GOLGA7B: variants seen among roughly 807,000 people sequenced by gnomAD.
The protein encoded by GOLGA7B is golgin subfamily A member 7B.
Under a neutral mutation model 21.5 loss-of-function variants are expected in GOLGA7B, and 17 were observed. The ratio of observed to expected loss-of-function variants is 0.79; its 90% CI spans 0.54 to 1.19. The LOEUF (loss-of-function observed/expected upper bound fraction) is 1.19, where lower values mean the gene tolerates loss of function less well. Ranked by LOEUF, GOLGA7B falls within the 50% of genes most tolerant of loss-of-function variation. The probability of loss-of-function intolerance (pLI) is 0.00; values close to 1 mark genes in which losing one functional copy is unlikely to be tolerated. For synonymous variants in GOLGA7B, 87 were observed against 84.0 expected, an observed-to-expected ratio of 1.04 and a Z score of -0.19; for missense variants, 169 against 224.4, an observed-to-expected ratio of 0.75 and a Z score of 1.58.
chr10:97,860,242 T>C (rs979346063), intron 2 of GOLGA7B, among the ~76,000 whole-genome samples: 3 of 152,212 alleles, frequency 2.0e-5, no homozygotes, highest in Non-Finnish European at 2.9e-5. Context: ...AAATGGGGCA[T>C]CCATTACTTC....
chr10:97,859,164 C>T (rs554249605), intron 1 of GOLGA7B, among the ~76,000 whole-genome samples: 1 of 152,328 alleles, frequency 6.6e-6, no homozygotes, highest in Admixed American at 6.5e-5. Flanking sequence ...AGCAATGCTC[C>T]CACCTCAGCC....
At chr10:97,855,737 G>C (rs79502114) in intron 1 of GOLGA7B, among the ~76,000 whole-genome samples, 12,428 of 152,192 alleles carry the variant, frequency 0.082, 573 homozygotes, top group South Asian at 0.15. Context: ...GAGCAGACAT[G>C]TTAACAATTA....
In GOLGA7B at chr10:97,850,072, G is replaced by A. The variant is rs879771278; in HGVS notation, c.-232G>A. Among the ~76,000 whole-genome samples the A allele has an allele frequency of 8.9e-3, 1,330 of 149,850 alleles. 8 individuals carry two copies. The highest frequency in any genetic ancestry group is 0.045 in the Middle Eastern group (13 of 292). On this transcript the variant is annotated 5_prime_UTR_variant, in exon 1 of 5. Transcript: ENST00000370602. ...GCCTCGGGCGCGGCCTCGCCTCCCG[G>A]GCCCGGCGCCTGCCTCAGCACAGCG...
At position 97,867,556 on chromosome 10, in the gene GOLGA7B, G is replaced by A. The variant is rs2050042514; in HGVS notation, c.*1856G>A. The A allele has an allele frequency of 6.6e-6, 1 of 152,346 alleles. No individual in the cohort carries two copies. The highest frequency in any genetic ancestry group is 2.1e-4 in the South Asian group (1 of 4,822). 9.4% of individuals were successfully genotyped at this position (152,346 alleles called of 1,614,324 possible). ...CGGCCCAAGTGAGTCCTGGTCCAAG[G>A]ATCCCCCTGGAGAGCCGCAGTTCAG... On this transcript the variant is annotated 3_prime_UTR_variant, in exon 5 of 5. Coordinates refer to ENST00000370602, the MANE Select transcript of GOLGA7B (RefSeq NM_001010917.3).
chr10:97,861,743 A>G (rs1481251914), intron 2 of GOLGA7B, among the ~76,000 whole-genome samples: 2 of 152,184 alleles, frequency 1.3e-5, no homozygotes, highest in African/African-American at 4.8e-5. Flanking sequence ...GTCTGTACTG[A>G]TATGACCCGG....
Position 97,864,090 on chromosome 10 carries a change from C to A in GOLGA7B, c.291+8C>A. On this transcript the variant is annotated splice_region_variant and intron_variant, in intron 3 of 4. Coordinates refer to ENST00000370602, the MANE Select transcript of GOLGA7B (RefSeq NM_001010917.3). The stretch of plus-strand genomic sequence containing the variant: ...GAGACCCACTATGAGAAGGTGGCCC[C>A]TCCCGCCCCACCGTGCATCCCTTCC... 7 of 1,613,922 alleles carry A rather than the reference C, an allele frequency of 4.3e-6. No homozygotes were observed. The highest frequency in any genetic ancestry group is 5.9e-6 in the Non-Finnish European group (7 of 1,179,824).
intron 1 of GOLGA7B, among the ~76,000 whole-genome samples, chr10:97,858,637 G>A (rs1475091716): frequency 3.9e-5 from 6 of 152,198 alleles, no homozygotes; most frequent in Admixed American, 3.9e-4. Context: ...TTCCTGCCAG[G>A]GAAGGCTATT....
chr10:97,853,065 C>A (rs996548788), intron 1 of GOLGA7B, among the ~76,000 whole-genome samples: 5 of 152,110 alleles, frequency 3.3e-5, no homozygotes, highest in African/African-American at 1.2e-4. Flanking sequence ...ATCCAAGTAG[C>A]GTTATTCAAG....
rs766123598 is a variant in GOLGA7B, at chr10:97,857,143, AT to A, written c.13-2312del. Among the ~76,000 whole-genome samples, 6 of 152,138 alleles carry A rather than the reference AT, an allele frequency of 3.9e-5. No individual in the cohort carries two copies. The East Asian group carries it at 9.6e-4, about 24-fold the overall frequency. On this transcript the variant is annotated intron_variant, in intron 1 of 4. Transcript: ENST00000370602. ...GCTTTTGGGGACTTCATCATAAATT[AT>A]TTGCCTAGGCCAATATCCAGAAGAG...
chr10:97,867,532 G>C lies in GOLGA7B; in HGVS notation c.*1832G>C. On this transcript the variant is annotated 3_prime_UTR_variant, in exon 5 of 5. Coordinates refer to ENST00000370602, the MANE Select transcript of GOLGA7B (RefSeq NM_001010917.3). ...GTCCTTGCAGCCTCAGGAAGTCCTC[G>C]GCCCAAGTGAGTCCTGGTCCAAGGA... 6.6e-6 allele frequency: 1 copy of C among 152,382 alleles called. No homozygotes were observed. The highest frequency in any genetic ancestry group is 1.9e-4 in the East Asian group (1 of 5,178). 9.4% of individuals were successfully genotyped at this position (152,382 alleles called of 1,614,324 possible). A position where few individuals can be genotyped will look rare whatever the true frequency, so the allele number is the denominator to read the frequency against.
chr10:97,850,390 G>C, intron 1 of GOLGA7B, 75 bp downstream of exon 1: 1 of 1,341,000 alleles, frequency 7.5e-7, no homozygotes, highest in East Asian at 2.9e-5. Context: ...GGGCTGGGCA[G>C]GAGTGGGAGG....
Position 97,865,820 on chromosome 10 carries a change from GGGT to G in GOLGA7B, c.*123_*125del. ...TTCTTTGGGCTCACCCTGCTGCCCG[GGGT>G]GGGAGGGAGGGTGACGGGCCTCATA... On this transcript the variant is annotated 3_prime_UTR_variant, in exon 5 of 5. Coordinates refer to ENST00000370602, the MANE Select transcript of GOLGA7B (RefSeq NM_001010917.3). 1 of 1,273,354 alleles carries G rather than the reference GGGT, an allele frequency of 7.9e-7. No individual in the cohort carries two copies. Among genetic ancestry groups the G allele is most frequent in the Non-Finnish European group, 1.0e-6 (1 of 955,352 alleles). The allele number at this position is 1,273,354 out of a possible 1,614,324, so 78.9% of individuals were successfully genotyped here.
intron 2 of GOLGA7B, among the ~76,000 whole-genome samples, chr10:97,860,596 G>T (rs1241235798): frequency 6.6e-6 from 1 of 152,014 alleles, no homozygotes; most frequent in Non-Finnish European, 1.5e-5. Context: ...CAAGTGATCC[G>T]CCCTCCTCGG....
Position 97,867,280 on chromosome 10 carries a change from G to C in GOLGA7B, c.*1580G>C, listed in dbSNP as rs959405321. On this transcript the variant is annotated 3_prime_UTR_variant, in exon 5 of 5. Transcript: ENST00000370602. ...CCAGCCAATGATGCCCGGCTTCTGA[G>C]GCCCAGAGGAGCAGGTGGGATGGGA... 6.6e-6 allele frequency: 1 copy of C among 152,416 alleles called. No homozygotes were observed. The highest frequency in any genetic ancestry group is 1.5e-5 in the Non-Finnish European group (1 of 68,174). 9.4% of individuals were successfully genotyped at this position (152,416 alleles called of 1,614,324 possible). A position where few individuals can be genotyped will look rare whatever the true frequency, so the allele number is the denominator to read the frequency against.
At chr10:97,850,765 G>T (rs1057414718) in intron 1 of GOLGA7B, among the ~76,000 whole-genome samples, 5 of 152,168 alleles carry the variant, frequency 3.3e-5, no homozygotes, top group African/African-American at 7.2e-5. Context: ...TTTCCTTTGC[G>T]GGAGGGAGGG....
chr10:97,858,224 G>A (rs766767664), intron 1 of GOLGA7B, among the ~76,000 whole-genome samples: 1 of 152,016 alleles, frequency 6.6e-6, no homozygotes, highest in Non-Finnish European at 1.5e-5. Context: ...AGCATTTCTG[G>A]GTAAGATGTT....
At position 97,870,113 on chromosome 10, in the gene GOLGA7B, A is replaced by C. The variant is rs1367307597; in HGVS notation, c.*4413A>C. 6.6e-6 allele frequency: 1 copy of C among 152,168 alleles called. No individual in the cohort carries two copies. The highest frequency in any genetic ancestry group is 1.9e-4 in the East Asian group (1 of 5,194). 9.4% of individuals were successfully genotyped at this position (152,168 alleles called of 1,614,324 possible). ...CTTGGTGGCAATGGATGTCAACTGG[A>C]AGCATGAAAAATCACCAATGCCTGA... On this transcript the variant is annotated 3_prime_UTR_variant, in exon 5 of 5. Transcript: ENST00000370602.
At chr10:97,860,764 T>C (rs920670055) in intron 2 of GOLGA7B, among the ~76,000 whole-genome samples, 1 of 152,192 alleles carries the variant, frequency 6.6e-6, no homozygotes, top group African/African-American at 2.4e-5. Context: ...CTGGTCTTCT[T>C]CAGAAACAGC....
chr10:97,864,707 A>G (rs934218665), intron 4 of GOLGA7B, among the ~76,000 whole-genome samples: 4 of 152,200 alleles, frequency 2.6e-5, no homozygotes, highest in African/African-American at 9.6e-5. Context: ...ACAGGTCCAC[A>G]GTCTCATGCA....
Sources: allele counts gnomAD v4.1 joint callset (sites outside exome capture counted in the v4.1 genomes callset), GRCh38; gene constraint gnomAD v4.1.1; transcripts MANE v1.5; gene names NCBI Gene and HGNC (gene_info 2026-07-23, HGNC 2026-07-21).